ZNF654: variants seen among roughly 807,000 people sequenced by gnomAD.
ZNF654 encodes zinc finger protein 654, also known as melanoma-associated antigen.
ZNF654 carries 19 observed loss-of-function variants against 95.3 expected under a neutral mutation model. The observed-to-expected ratio is 0.20, with a 90% confidence interval of 0.14 to 0.29. ZNF654 has a LOEUF of 0.29. ZNF654 is among the 10% of genes least tolerant of loss of function. The pLI, the probability that ZNF654 is intolerant of heterozygous loss-of-function variation, is 1.00. For synonymous variants in ZNF654, 413 were observed against 457.9 expected (o/e 0.90, Z 1.25); for missense variants, 1,046 against 1,341.0 (o/e 0.78, Z 3.44).
At chr3:88,107,188 A>G (rs1003491840) in intron 2 of ZNF654, among the ~76,000 whole-genome samples, 1 of 152,218 alleles carries the variant, frequency 6.6e-6, no homozygotes, top group South Asian at 2.1e-4. Context: ...TACACTTTAT[A>G]TACTTTATCT....
intron 5 of ZNF654, 93 bp from the exon 6 acceptor site, chr3:88,129,594 T>G: frequency 3.9e-6 from 4 of 1,022,318 alleles, no homozygotes; most frequent in African/African-American, 3.2e-5. Context: ...ACTAGAAATC[T>G]AAGCAATTTC....
At position 88,097,927 on chromosome 3, in the gene ZNF654, A is replaced by G. The variant is rs144125360; in HGVS notation, c.332+11525A>G. Among the ~76,000 whole-genome samples the G allele has an allele frequency of 7.3e-3, 1,117 of 152,322 alleles. 5 individuals are homozygous for G. The highest frequency in any genetic ancestry group is 0.012 in the Non-Finnish European group (830 of 68,018). On this transcript the variant is annotated intron_variant, in intron 2 of 8. Coordinates refer to ENST00000636215, the MANE Select transcript of ZNF654 (RefSeq NM_001350134.2). The stretch of plus-strand genomic sequence containing the variant: ...CTAATATCACAATTAAAAGTACTAG[A>G]GAAGCAAGAGCAAACAAATTCAAAA...
intron 1 of ZNF654, among the ~76,000 whole-genome samples, chr3:88,065,490 G>A (rs1282497294): frequency 1.3e-5 from 2 of 152,098 alleles, no homozygotes; most frequent in Non-Finnish European, 2.9e-5. Flanking sequence ...ACGAGAAACT[G>A]TTTATAGTGT....
At chr3:88,071,731 G>A (rs1707526324) in intron 1 of ZNF654, among the ~76,000 whole-genome samples, 1 of 152,092 alleles carries the variant, frequency 6.6e-6, no homozygotes, top group Admixed American at 6.5e-5. Flanking sequence ...TTGAACCCGG[G>A]AGGCAGAGGT....
At chr3:88,131,251 A>G (rs1349704131) in intron 6 of ZNF654, among the ~76,000 whole-genome samples, 1 of 152,202 alleles carries the variant, frequency 6.6e-6, no homozygotes, top group African/African-American at 2.4e-5. Flanking sequence ...AAATGATATT[A>G]TAATCTTGTG....
intron 2 of ZNF654, among the ~76,000 whole-genome samples, chr3:88,099,517 A>G (rs1704273765): frequency 6.6e-6 from 1 of 151,648 alleles, no homozygotes; most frequent in Non-Finnish European, 1.5e-5. Context: ...CCGCATTGCC[A>G]AGACAATCCT....
At chr3:88,136,301 C>T (rs528333736) in intron 7 of ZNF654, among the ~76,000 whole-genome samples, 1 of 152,222 alleles carries the variant, frequency 6.6e-6, no homozygotes, top group South Asian at 2.1e-4. Flanking sequence ...TTCTTATTTT[C>T]ATATGTGGGG....
chr3:88,062,025 A>G (rs1706914647), intron 1 of ZNF654, among the ~76,000 whole-genome samples: 1 of 152,160 alleles, frequency 6.6e-6, no homozygotes, highest in Non-Finnish European at 1.5e-5. Flanking sequence ...TCTTTTCCAG[A>G]GGGGTTTTTG....
intron 1 of ZNF654, among the ~76,000 whole-genome samples, chr3:88,064,867 A>T (rs1349119743): frequency 6.6e-6 from 1 of 152,192 alleles, no homozygotes; most frequent in African/African-American, 2.4e-5. Flanking sequence ...AGCTCAGTAA[A>T]TAATAATATG....
At chr3:88,124,104 T>C (rs1030414604) in intron 3 of ZNF654, among the ~76,000 whole-genome samples, 4 of 152,186 alleles carry the variant, frequency 2.6e-5, no homozygotes, top group African/African-American at 9.7e-5. Flanking sequence ...TGCCCTAAAA[T>C]AAGATATTTA....
chr3:88,075,023 G>C (rs1707722808), intron 1 of ZNF654, among the ~76,000 whole-genome samples: 1 of 152,184 alleles, frequency 6.6e-6, no homozygotes, highest in Non-Finnish European at 1.5e-5. Flanking sequence ...CTTCCTGAAA[G>C]TAGTATCCTA....
At position 88,140,113 on chromosome 3, in the gene ZNF654, A is replaced by G; in HGVS notation, c.2444A>G (p.Tyr815Cys). Reference sequence around the variant, plus strand: ...AATAGACATAGCTATCCAAATGTGTATTTTTGTTTGCATTTTAATTGCAAC... The same window carrying G: ...AATAGACATAGCTATCCAAATGTGTGTTTTTGTTTGCATTTTAATTGCAAC... ...HLNRHSYPNV[Y>C]FCLHFNCNES... is the part of the protein sequence containing the mutation. Residue 815 changes from tyrosine to cysteine, a missense_variant, in exon 8 of 9, where the codon TAT becomes TGT. Physicochemically the swap from Tyr to Cys is radical, Grantham distance 194. Transcript: ENST00000636215. The G allele has an allele frequency of 1.2e-6, 2 of 1,613,848 alleles. No individual in the cohort carries two copies. Among genetic ancestry groups the G allele is most frequent in the Non-Finnish European group, 1.7e-6 (2 of 1,179,806 alleles).
intron 1 of ZNF654, among the ~76,000 whole-genome samples, chr3:88,077,344 T>C (rs1356557434): frequency 6.6e-6 from 1 of 151,138 alleles, no homozygotes; most frequent in African/African-American, 2.4e-5. Context: ...GTTTTTTTTT[T>C]TTTTTTTGAG....
chr3:88,094,289 A>G (rs1426497169), intron 2 of ZNF654, among the ~76,000 whole-genome samples: 1 of 152,026 alleles, frequency 6.6e-6, no homozygotes. Flanking sequence ...TTAGTATTGC[A>G]TTTGGTCTTA....
At chr3:88,103,757 ATTAACTTTT>A (rs1405826009) in intron 2 of ZNF654, among the ~76,000 whole-genome samples, 7 of 137,562 alleles carry the variant, frequency 5.1e-5, no homozygotes, top group African/African-American at 1.3e-4. Flanking sequence ...AAAGAGATGT[ATTAACTTTT>A]TTTTTTTTTT....
intron 1 of ZNF654, among the ~76,000 whole-genome samples, chr3:88,066,944 TGGTG>T (rs1559686787): frequency 6.6e-6 from 1 of 152,226 alleles, no homozygotes; most frequent in Non-Finnish European, 1.5e-5. Context: ...TATTAGGAGA[TGGTG>T]GGACATTATG....
chr3:88,084,888 C>T (rs1320370693), intron 1 of ZNF654, among the ~76,000 whole-genome samples: 2 of 152,174 alleles, frequency 1.3e-5, no homozygotes, highest in Non-Finnish European at 2.9e-5. Flanking sequence ...TGAGGAACCT[C>T]AAGTTTAAGG....
intron 6 of ZNF654, among the ~76,000 whole-genome samples, chr3:88,133,153 C>T (rs549875096): frequency 6.6e-6 from 1 of 152,236 alleles, no homozygotes; most frequent in South Asian, 2.1e-4. Flanking sequence ...CACTTTCCCG[C>T]CCCTGAATTA....
Position 88,138,799 on chromosome 3 carries a change from A to T in ZNF654, c.1130A>T (p.Tyr377Phe). ...GATCCCAAAACTAAATGTCTAATTT[A>T]TAAAACAATTGCACATTTTTTGCCA... ...HDDPKTKCLI[Y>F]KTIAHFLPND... The change falls in exon 8 of 9, where the codon TAT (tyrosine) becomes TTT (phenylalanine). Residue 377 changes from tyrosine (Y) to phenylalanine (F), a missense_variant. Physicochemically the swap from Tyr to Phe is conservative, Grantham distance 22 (BLOSUM62 3). This residue lies in a region of ZNF654 where 78 missense variants were observed against 154.2 expected (regional missense o/e 0.51). Transcript: ENST00000636215. 6.5e-6 allele frequency: 8 copies of T among 1,232,094 alleles called. No homozygotes were observed. Among genetic ancestry groups the T allele is most frequent in the Non-Finnish European group, 8.1e-6 (8 of 987,922 alleles). 76.3% of individuals were successfully genotyped at this position (1,232,094 alleles called of 1,614,324 possible).
Sources: gnomAD v4.1 joint callset for allele counts (sites outside exome capture counted in the v4.1 genomes callset) on GRCh38, gnomAD v4.1.1 for gene constraint, gnomAD v4.1.1 regional missense constraint, MANE v1.5 for transcripts, NCBI Gene and HGNC (gene_info 2026-07-23, HGNC 2026-07-21) for gene names.